The following BACC1 variants were observed in gnomAD, a reference collection of about 807,000 sequenced individuals.
BACC1 encodes BPTF-associated chromatin complex component 1.
At chr17:7,014,998 TA>T in the BACC1 span, 1 of 1,425,412 alleles carries the variant, frequency 7.0e-7, no homozygotes, top group South Asian at 1.4e-5. The surrounding 1 kb of genome is among the most constrained non-coding windows in gnomAD (Gnocchi z 4.5). Context: ...GGGGTGGGGC[TA>T]GGGGCTCCGG....
chr17:7,016,137 GTTAT>G, the BACC1 span: 1 of 524,628 alleles, frequency 1.9e-6, no homozygotes, highest in Non-Finnish European at 3.4e-6. Flanking sequence ...AAGTCCCCTG[GTTAT>G]TTATATAAAT....
chr17:7,015,555 G>T, the BACC1 span: 2 of 1,423,324 alleles, frequency 1.4e-6, no homozygotes, highest in Non-Finnish European at 1.8e-6. Flanking sequence ...GGTGTCTAAG[G>T]TGGAGGTGGT....
chr17:7,017,360 T>C, the BACC1 span: 1 of 1,572,164 alleles, frequency 6.4e-7, no homozygotes, highest in African/African-American at 1.3e-5. Context: ...ATGCCGGACC[T>C]GTGGATCTCC....
the BACC1 span, chr17:7,015,247 T>A: frequency 6.9e-7 from 1 of 1,441,510 alleles, no homozygotes; most frequent in Non-Finnish European, 9.1e-7. Context: ...GGGACAGACA[T>A]TAGTTTCCCT....
chr17:7,017,165 G>T, the BACC1 span: 1 of 1,578,284 alleles, frequency 6.3e-7, no homozygotes, highest in Non-Finnish European at 8.7e-7. Flanking sequence ...CATTGGATCA[G>T]TACGTAGCAG....
chr17:7,015,621 C>T, the BACC1 span: 7 of 1,327,756 alleles, frequency 5.3e-6, no homozygotes, highest in Admixed American at 2.7e-5. Context: ...AAGAGCTTTC[C>T]GCCTCCCCTT....
chr17:7,016,595 G>A, the BACC1 span: 1 of 1,614,146 alleles, frequency 6.2e-7, no homozygotes, highest in South Asian at 1.1e-5. Context: ...GGTGGCATCT[G>A]GTGTCTTGTC....
chr17:7,015,465 T>G, the BACC1 span: 1 of 1,368,626 alleles, frequency 7.3e-7, no homozygotes, highest in Non-Finnish European at 9.4e-7. Context: ...TGTTGGTGGG[T>G]CTGTTTTGAA....
the BACC1 span, chr17:7,017,395 G>A: frequency 7.7e-6 from 11 of 1,430,444 alleles, no homozygotes; most frequent in South Asian, 4.6e-5. Flanking sequence ...AGGCCTGCAC[G>A]AGAGAGGGCT....
At chr17:7,016,786 C>A in the BACC1 span, 3 of 1,530,484 alleles carry the variant, frequency 2.0e-6, no homozygotes, top group Admixed American at 1.8e-5. Context: ...CTCTTCCTGT[C>A]CCTGTGGAGG....
At chr17:7,015,625 T>C in the BACC1 span, 1 of 1,320,532 alleles carries the variant, frequency 7.6e-7, no homozygotes, top group Non-Finnish European at 1.0e-6. Context: ...GCTTTCCGCC[T>C]CCCCTTACGG....
chr17:7,017,010 C>T, the BACC1 span: 1 of 1,611,152 alleles, frequency 6.2e-7, no homozygotes, highest in Non-Finnish European at 8.5e-7. Context: ...TCAACTTCGA[C>T]CAGGGTAGGA....
chr17:7,015,736 C>G, the BACC1 span: 1 of 1,581,070 alleles, frequency 6.3e-7, no homozygotes, highest in Non-Finnish European at 8.7e-7. Flanking sequence ...CACACCCCCC[C>G]TCCCATTTTT....
the BACC1 span, chr17:7,015,090 C>G: frequency 1.3e-6 from 2 of 1,570,256 alleles, no homozygotes; most frequent in African/African-American, 2.8e-5. Flanking sequence ...GCGGCCGGCG[C>G]CGCCTTCACG....
the BACC1 span, chr17:7,017,091 C>T: frequency 5.9e-6 from 9 of 1,536,800 alleles, no homozygotes; most frequent in South Asian, 6.7e-5. Context: ...GCACGGTCTC[C>T]GCAGGGGCCC....
the BACC1 span, chr17:7,017,177 G>C: frequency 6.3e-7 from 1 of 1,589,802 alleles, no homozygotes; most frequent in Non-Finnish European, 8.6e-7. Context: ...ACGTAGCAGG[G>C]TGTTTCAGGG....
At chr17:7,015,787 G>C in the BACC1 span, 2 of 1,613,968 alleles carry the variant, frequency 1.2e-6, no homozygotes, top group Non-Finnish European at 8.5e-7. Flanking sequence ...GAAGTGGACG[G>C]AGACGGAAAT....
At chr17:7,015,025 C>T in the BACC1 span, 3 of 1,438,676 alleles carry the variant, frequency 2.1e-6, no homozygotes, top group Admixed American at 3.0e-5. Flanking sequence ...ACGGGGAGGG[C>T]GGGCGCCGGC....
the BACC1 span, chr17:7,016,612 T>G: frequency 6.2e-7 from 1 of 1,614,156 alleles, no homozygotes; most frequent in Non-Finnish European, 8.5e-7. Context: ...TGTCACCTCC[T>G]CCAGCTGCCC....
Sources: gnomAD v4.1 joint callset for allele counts on GRCh38, gnomAD v4.1.1 for gene constraint, Gnocchi (gnomAD v3.1) non-coding constraint, MANE v1.5 for transcripts, NCBI Gene and HGNC (gene_info 2026-07-23, HGNC 2026-07-21) for gene names.